Variants in RAPGEF2 observed in about 807,000 individuals in gnomAD.
RAPGEF2 encodes PDZ domain containing guanine nucleotide exchange factor (GEF) 1.
Under a neutral mutation model 186.7 loss-of-function variants are expected in RAPGEF2, and 54 were observed. The observed-to-expected ratio is 0.29, with a 90% CI of 0.23 to 0.36. The LOEUF (loss-of-function observed/expected upper bound fraction) is 0.36. Ranked by LOEUF, RAPGEF2 falls within the 10% of genes least tolerant of loss-of-function variation. The probability of loss-of-function intolerance (pLI) is 1.00; values close to 1 mark genes in which losing one functional copy is unlikely to be tolerated. For synonymous variants in RAPGEF2, 712 were observed against 705.9 expected, an observed-to-expected ratio of 1.01 and a Z score of -0.14; for missense variants, 1,532 against 2,045.0, an observed-to-expected ratio of 0.75 and a Z score of 4.84.
intron 1 of RAPGEF2, among the ~76,000 whole-genome samples, chr4:159,149,971 A>C (rs1743358083): frequency 6.6e-6 from 1 of 151,904 alleles, no homozygotes; most frequent in Non-Finnish European, 1.5e-5. Context: ...TGGATCTAGA[A>C]AATTAGCCCT....
chr4:159,268,139 G>C (rs778858343), intron 7 of RAPGEF2: 12 of 1,613,194 alleles, frequency 7.4e-6, no homozygotes, highest in Non-Finnish European at 1.0e-5. Flanking sequence ...ATTCAGTTCA[G>C]CATATGTTTC....
intron 1 of RAPGEF2, among the ~76,000 whole-genome samples, chr4:159,106,985 A>C (rs767806660): frequency 1.4e-4 from 21 of 152,208 alleles, no homozygotes; most frequent in Non-Finnish European, 2.9e-4. Context: ...AATACCAAAA[A>C]AATTATCATC....
At chr4:159,341,981 C>G in intron 20 of RAPGEF2, 34 bp downstream of exon 20, 1 of 1,536,258 alleles carries the variant, frequency 6.5e-7, no homozygotes, top group South Asian at 1.3e-5. Context: ...AGATTCAGTT[C>G]AGTTCACAGA....
intron 1 of RAPGEF2, among the ~76,000 whole-genome samples, chr4:159,152,402 A>T (rs554670752): frequency 2.6e-5 from 4 of 152,332 alleles, no homozygotes; most frequent in African/African-American, 9.6e-5. Flanking sequence ...CTGGACTCAG[A>T]GGCAGAATGC....
chr4:159,171,656 T>C (rs977340311), intron 1 of RAPGEF2, among the ~76,000 whole-genome samples: 10 of 151,132 alleles, frequency 6.6e-5, no homozygotes, highest in Non-Finnish European at 8.8e-5. Context: ...TCTAGAGATA[T>C]CTTTCATGTA....
At chr4:159,251,546 A>G (rs1188874207) in intron 7 of RAPGEF2, among the ~76,000 whole-genome samples, 1 of 152,092 alleles carries the variant, frequency 6.6e-6, no homozygotes, top group Non-Finnish European at 1.5e-5. Flanking sequence ...ATGTCTAGCG[A>G]GAGGATTGTA....
intron 3 of RAPGEF2, among the ~76,000 whole-genome samples, chr4:159,195,064 T>C (rs1748495191): frequency 6.6e-6 from 1 of 152,112 alleles, no homozygotes; most frequent in South Asian, 2.1e-4. Context: ...TTGCAACATG[T>C]GAAACTATGA....
At chr4:159,198,778 C>T (rs771735693) in intron 3 of RAPGEF2, among the ~76,000 whole-genome samples, 2 of 152,048 alleles carry the variant, frequency 1.3e-5, no homozygotes, top group African/African-American at 2.4e-5. Flanking sequence ...ATGTAACCAC[C>T]GTTTTGAAGT....
At chr4:159,153,553 G>C (rs1743786803) in intron 1 of RAPGEF2, among the ~76,000 whole-genome samples, 1 of 152,180 alleles carries the variant, frequency 6.6e-6, no homozygotes, top group African/African-American at 2.4e-5. Context: ...CGTCTTGGTA[G>C]TTTTAATAAT....
At chr4:159,195,481 A>G (rs1579430616) in intron 3 of RAPGEF2, among the ~76,000 whole-genome samples, 1 of 152,148 alleles carries the variant, frequency 6.6e-6, no homozygotes, top group Non-Finnish European at 1.5e-5. Context: ...TAAGTGATTT[A>G]TATGCATTCA....
At chr4:159,151,148 A>C (rs1743490498) in intron 1 of RAPGEF2, among the ~76,000 whole-genome samples, 1 of 152,250 alleles carries the variant, frequency 6.6e-6, no homozygotes, top group East Asian at 1.9e-4. Flanking sequence ...TGTTGGTTTC[A>C]AAGTTAGATT....
chr4:159,193,168 A>G, intron 2 of RAPGEF2, 32 bp from the exon 3 acceptor site: 1 of 1,384,948 alleles, frequency 7.2e-7, no homozygotes, highest in Non-Finnish European at 9.5e-7. Context: ...TTAGTGACAG[A>G]TGTTGAACTC....
chr4:159,260,938 C>A (rs1400791966), intron 7 of RAPGEF2, among the ~76,000 whole-genome samples: 1 of 152,114 alleles, frequency 6.6e-6, no homozygotes, highest in Non-Finnish European at 1.5e-5. Flanking sequence ...TTAGTAGAGA[C>A]AGGGTTTGTC....
intron 1 of RAPGEF2, among the ~76,000 whole-genome samples, chr4:159,124,702 T>C (rs970019265): frequency 2.6e-5 from 4 of 152,196 alleles, no homozygotes; most frequent in Non-Finnish European, 4.4e-5. Flanking sequence ...TCTGTTTTGG[T>C]TATTTTTTCT....
rs201405934 is a variant in RAPGEF2, at chr4:159,353,588, C to T, written c.4193C>T (p.Ala1398Val). 2,095 of 1,591,938 alleles carry T rather than the reference C, an allele frequency of 1.3e-3. 36 individuals are homozygous for T. In the South Asian group the frequency reaches 0.023, roughly 18 times the overall value. The change falls in exon 28 of 30, where the codon GCG (alanine) becomes GTG (valine). Residue 1398 changes from alanine to valine, a missense_variant. Transcript: ENST00000691494. The surrounding 1 kb of genome is among the most constrained non-coding windows in gnomAD (Gnocchi z 4.3). The stretch of plus-strand genomic sequence containing the variant: ...CTTTCCCAGGATCAGGGGGATCGCG[C>T]GTCACTTGATGCTGCTGACAGTGGC... ...EELSQDQGDR[A>V]SLDAADSGRG...
intron 1 of RAPGEF2, among the ~76,000 whole-genome samples, chr4:159,139,591 G>A (rs1169067530): frequency 6.6e-6 from 1 of 151,882 alleles, no homozygotes; most frequent in Non-Finnish European, 1.5e-5. Context: ...AAAAAATGTA[G>A]CACTTTAAAT....
chr4:159,165,855 A>G (rs566598502), intron 1 of RAPGEF2, among the ~76,000 whole-genome samples: 3 of 152,328 alleles, frequency 2.0e-5, no homozygotes, highest in African/African-American at 7.2e-5. Context: ...TGCCTCCCAA[A>G]GTGCTGCGAT....
chr4:159,159,957 G>A (rs1744533308), intron 1 of RAPGEF2, among the ~76,000 whole-genome samples: 1 of 152,118 alleles, frequency 6.6e-6, no homozygotes, highest in Admixed American at 6.5e-5. Context: ...CTCCAATCAA[G>A]CTTTTATTCA....
intron 25 of RAPGEF2, among the ~76,000 whole-genome samples, chr4:159,348,564 T>G (rs139068768): frequency 2.6e-4 from 40 of 152,310 alleles, no homozygotes; most frequent in Non-Finnish European, 2.4e-4. Flanking sequence ...ACACATTGAA[T>G]TATGTGTTTC....
Sources: allele counts gnomAD v4.1 joint callset (sites outside exome capture counted in the v4.1 genomes callset), GRCh38; gene constraint gnomAD v4.1.1; non-coding constraint Gnocchi (gnomAD v3.1); transcripts MANE v1.5; gene names NCBI Gene and HGNC (gene_info 2026-07-23, HGNC 2026-07-21).